The following CNTN5 variants were observed in gnomAD, a reference collection of about 807,000 sequenced individuals.
CNTN5 encodes the protein contactin-5.
Under a neutral mutation model 129.1 loss-of-function variants are expected in CNTN5, and 77 were observed. The observed-to-expected ratio is 0.60, with a 90% CI of 0.50 to 0.72. CNTN5 has a LOEUF of 0.72. CNTN5 is among the 30% of genes least tolerant of loss of function. CNTN5 has a pLI of 0.00. For missense variants in CNTN5, 1,478 were observed against 1,328.8 expected, an observed-to-expected ratio of 1.11 and a Z score of -1.75; for synonymous variants, 509 against 465.6, an observed-to-expected ratio of 1.09 and a Z score of -1.20.
Position 100,059,931 on chromosome 11 carries a change from G to A in CNTN5, c.981-1281G>A, listed in dbSNP as rs77415476. The stretch of plus-strand genomic sequence containing the variant: ...TAATGATTAAAAAAAGAAAAATGCC[G>A]GGCATGCTGGCTCATGCCTGTAATC... On this transcript the variant is annotated intron_variant, in intron 9 of 24. Transcript: ENST00000524871. 1.3e-3 allele frequency among the ~76,000 whole-genome samples: 195 copies of A among 152,126 alleles called. 5 individuals are homozygous for A. The East Asian group carries it at 0.036, about 28-fold the overall frequency.
At chr11:99,731,599 G>A (rs1019000219) in intron 3 of CNTN5, among the ~76,000 whole-genome samples, 1 of 152,154 alleles carries the variant, frequency 6.6e-6, no homozygotes, top group African/African-American at 2.4e-5. Flanking sequence ...AACATACAGA[G>A]TTGACTGAAG....
intron 4 of CNTN5, among the ~76,000 whole-genome samples, chr11:99,832,099 G>T (rs548297442): frequency 6.6e-6 from 1 of 152,218 alleles, no homozygotes; most frequent in African/African-American, 2.4e-5. Flanking sequence ...GTTATGAGTT[G>T]TCTCCGCTGC....
At chr11:99,252,761 A>C (rs1862176958) in intron 1 of CNTN5, among the ~76,000 whole-genome samples, 1 of 152,062 alleles carries the variant, frequency 6.6e-6, no homozygotes, top group Non-Finnish European at 1.5e-5. Flanking sequence ...AGCCAGTTAA[A>C]GTTTTTACTG....
chr11:100,065,976 T>A (rs1055200098), intron 10 of CNTN5, among the ~76,000 whole-genome samples: 17 of 152,108 alleles, frequency 1.1e-4, no homozygotes, highest in Non-Finnish European at 2.4e-4. Flanking sequence ...TCCTGGTTAA[T>A]AATTTCATAC....
intron 2 of CNTN5, among the ~76,000 whole-genome samples, chr11:99,328,765 G>A (rs1865884395): frequency 1.3e-5 from 2 of 150,954 alleles, no homozygotes; most frequent in South Asian, 2.1e-4. Flanking sequence ...AGCTACTCAG[G>A]AGGCTGAGGC....
At chr11:99,222,731 A>G (rs1409270310) in intron 1 of CNTN5, among the ~76,000 whole-genome samples, 1 of 152,148 alleles carries the variant, frequency 6.6e-6, no homozygotes, top group African/African-American at 2.4e-5. Context: ...ATCGTAATGC[A>G]GGATATAAAG....
chr11:99,081,287 C>T (rs995701907), intron 1 of CNTN5, among the ~76,000 whole-genome samples: 1 of 152,240 alleles, frequency 6.6e-6, no homozygotes, highest in Middle Eastern at 3.4e-3. Flanking sequence ...TGGAACTCTT[C>T]ACAATTAACT....
chr11:99,338,952 G>GATATATATATATATATATATATATCTGTT (rs1205643777), intron 2 of CNTN5, among the ~76,000 whole-genome samples: 1 of 110,678 alleles, frequency 9.0e-6, no homozygotes, highest in African/African-American at 3.0e-5. Context: ...ATATATCTGT[G>GATATATATATATATATATATATATCTGTT]ATATATATGT....
chr11:99,033,270 T>C (rs1465742090), intron 1 of CNTN5, among the ~76,000 whole-genome samples: 1 of 152,038 alleles, frequency 6.6e-6, no homozygotes, highest in African/African-American at 2.4e-5. Context: ...TGGTTCCATA[T>C]GAACTTTAAA....
chr11:99,489,484 A>G (rs11220169), intron 2 of CNTN5, among the ~76,000 whole-genome samples: 3,505 of 152,208 alleles, frequency 0.023, 61 homozygotes, highest in Middle Eastern at 0.055. Flanking sequence ...ATATATTTTA[A>G]CTTCTCATTC....
chr11:100,342,445 G>T (rs1330371836), intron 23 of CNTN5, among the ~76,000 whole-genome samples: 1 of 152,140 alleles, frequency 6.6e-6, no homozygotes, highest in Non-Finnish European at 1.5e-5. Context: ...AAAGTAGAAT[G>T]CAAGAGAAAA....
intron 1 of CNTN5, among the ~76,000 whole-genome samples, chr11:99,258,637 A>G (rs1862486940): frequency 6.6e-6 from 1 of 152,022 alleles, no homozygotes; most frequent in Non-Finnish European, 1.5e-5. Flanking sequence ...TTTTAACCAC[A>G]TGTAATAAAC....
intron 1 of CNTN5, among the ~76,000 whole-genome samples, chr11:99,305,381 A>C (rs1221266477): frequency 6.6e-6 from 1 of 152,194 alleles, no homozygotes; most frequent in Non-Finnish European, 1.5e-5. Context: ...CAATCTGTAA[A>C]GTTTTAATTA....
chr11:99,291,886 A>G (rs556839707), intron 1 of CNTN5, among the ~76,000 whole-genome samples: 4 of 152,102 alleles, frequency 2.6e-5, no homozygotes, highest in Non-Finnish European at 5.9e-5. Context: ...AGCAGGTGAG[A>G]AGAAAGAATG....
rs369853917 is a variant in CNTN5, at chr11:99,070,973, A to G, written c.-210+49703A>G. ...TTCTAAAAATGCAGATACAGACTCA[A>G]TAAGTCTGTGACCGGTCCTGATATT... On this transcript the variant is annotated intron_variant, in intron 1 of 24. Coordinates refer to ENST00000524871, the MANE Select transcript of CNTN5 (RefSeq NM_014361.4). Among the ~76,000 whole-genome samples the G allele has an allele frequency of 2.6e-4, 39 of 152,226 alleles. No homozygotes were observed. In the East Asian group the frequency reaches 6.2e-3, roughly 24 times the overall value.
At chr11:99,729,237 C>T (rs941210562) in intron 3 of CNTN5, among the ~76,000 whole-genome samples, 7 of 151,928 alleles carry the variant, frequency 4.6e-5, no homozygotes, top group African/African-American at 1.5e-4. Flanking sequence ...ATGGGGGTGC[C>T]TTCAGAGAAG....
At chr11:99,460,893 G>GA (rs550644409) in intron 2 of CNTN5, among the ~76,000 whole-genome samples, 62 of 151,978 alleles carry the variant, frequency 4.1e-4, no homozygotes, top group Non-Finnish European at 6.3e-4. Flanking sequence ...CTTCATTCAA[G>GA]AAAAAATCTT....
At chr11:100,291,536 C>T (rs564672852) in intron 18 of CNTN5, among the ~76,000 whole-genome samples, 2,757 of 150,312 alleles carry the variant, frequency 0.018, 40 homozygotes, top group Non-Finnish European at 0.028. Context: ...CATATTCTCA[C>T]TCATAGGTGG....
chr11:100,039,347 C>T (rs1942238162), intron 9 of CNTN5, among the ~76,000 whole-genome samples: 1 of 152,210 alleles, frequency 6.6e-6, no homozygotes, highest in Non-Finnish European at 1.5e-5. Flanking sequence ...AGCTGTTTGT[C>T]TGATGGGCTT....
Sources: allele counts gnomAD v4.1 joint callset (sites outside exome capture counted in the v4.1 genomes callset), GRCh38; gene constraint gnomAD v4.1.1; transcripts MANE v1.5; gene names NCBI Gene and HGNC (gene_info 2026-07-23, HGNC 2026-07-21).